Variants in FHAD1 observed in about 807,000 individuals in gnomAD.
The protein encoded by FHAD1 is forkhead-associated domain-containing protein 1.
FHAD1 carries 146 observed loss-of-function variants against 191.3 expected under a neutral mutation model. The observed-to-expected ratio is 0.76, with a 90% CI of 0.67 to 0.88. The LOEUF (loss-of-function observed/expected upper bound fraction) is 0.88. Among genes scored for constraint, FHAD1 ranks in the 40% least tolerant of loss-of-function variants. FHAD1 has a pLI of 0.00. For synonymous variants in FHAD1, 616 were observed against 672.3 expected (o/e 0.92, Z 1.29); for missense variants, 1,635 against 1,785.8 (o/e 0.92, Z 1.52).
rs1558286615 is a variant in FHAD1 at position 15,381,393 on chromosome 1, C to G, written c.3964C>G (p.Gln1322Glu). ...TGATAAGATCACCCAACTCAAGAAC[C>G]AGCTGGGGAGGAAAGAGGAGCTGTT... Reference protein sequence around the residue: ...VFDKITQLKNQLGRKEELLRG... With the variant: ...VFDKITQLKNELGRKEELLRG... The change falls in exon 30 of 34, where the codon CAG becomes GAG. Residue 1322 changes from glutamine (Q) to glutamate (E), a missense_variant. Physicochemically the swap from Gln to Glu is conservative, Grantham distance 29 (BLOSUM62 2). Coordinates refer to ENST00000688493, the MANE Select transcript of FHAD1 (RefSeq NM_001391957.1). This position sits in a 1 kb window ranked among gnomAD's most constrained non-coding sequence, Gnocchi z 4.6. The G allele has an allele frequency of 3.2e-6, 5 of 1,551,770 alleles. No homozygotes were observed. Among genetic ancestry groups the G allele is most frequent in the Middle Eastern group, 1.7e-4 (1 of 5,984 alleles).
In FHAD1 at chr1:15,301,391, G is replaced by T. The variant is rs944728261; in HGVS notation, c.865G>T (p.Asp289Tyr). The change falls in exon 6 of 34, where the codon GAT (aspartate) becomes TAT (tyrosine). Residue 289 changes from aspartate to tyrosine, a missense_variant. By Grantham distance (160) the Asp-to-Tyr change is radical. Coordinates refer to ENST00000688493, the MANE Select transcript of FHAD1 (RefSeq NM_001391957.1). ...GATCTCGCAGAAGTGTCAGGTTCTG[G>T]ATGAAGACATCGATGCCAAACAGAA... ...KEISQKCQVL[D>Y]EDIDAKQKEI... 1.9e-6 allele frequency: 3 copies of T among 1,551,776 alleles called. 1 individual carries two copies. In the South Asian group the frequency reaches 3.6e-5, roughly 18 times the overall value.
At chr1:15,348,341 T>C (rs1481630778) in intron 18 of FHAD1, among the ~76,000 whole-genome samples, 1 of 152,128 alleles carries the variant, frequency 6.6e-6, no homozygotes, top group East Asian at 1.9e-4. Context: ...AGACAAGCCG[T>C]TAGAAAATAG....
intron 31 of FHAD1, chr1:15,383,069 C>A: frequency 2.1e-6 from 1 of 471,592 alleles, no homozygotes; most frequent in Middle Eastern, 3.3e-4. Flanking sequence ...AGGAGTCAGC[C>A]GGTCCTGGGC....
chr1:15,249,639 C>T (rs1162614329), intron 1 of FHAD1, among the ~76,000 whole-genome samples: 2 of 152,082 alleles, frequency 1.3e-5, no homozygotes, highest in African/African-American at 4.8e-5. Flanking sequence ...GTTTTTATTT[C>T]TCTTACTCCC....
chr1:15,300,867 T>A (rs1668489386), intron 5 of FHAD1, among the ~76,000 whole-genome samples: 1 of 152,196 alleles, frequency 6.6e-6, no homozygotes, highest in African/African-American at 2.4e-5. Context: ...TTTGCTCTTG[T>A]TGCCCAGGCT....
At position 15,358,219 on chromosome 1, in the gene FHAD1, C is replaced by T. The variant is rs1213138878; in HGVS notation, c.2672C>T (p.Ala891Val). 1 of 1,541,886 alleles carries T rather than the reference C, an allele frequency of 6.5e-7. No homozygotes were observed. The highest frequency in any genetic ancestry group is 2.1e-5 in the Admixed American group (1 of 47,546). Residue 891 changes from alanine (A) to valine (V), a missense_variant, in exon 21 of 34, where the codon GCA (alanine) becomes GTA (valine). Physicochemically the swap from Ala to Val is moderately conservative, Grantham distance 64 (BLOSUM62 0). Transcript: ENST00000688493. ...ACAAAGGCAACTGAAAGTCTAAAAG[C>T]AGAGAGCCTCGCCTTGAAATTAAAT... ...QKTKATESLK[A>V]ESLALKLNET...
chr1:15,301,375 G>A lies in FHAD1; in HGVS notation c.849G>A (p.Gln283=), dbSNP rs1668712738. ...TSRQNEKEIS[Q]KCQVLDEDID... ...GGCAGAATGAGAAGGAGATCTCGCA[G>A]AAGTGTCAGGTTCTGGATGAAGACA... Residue 283 remains glutamine, a synonymous_variant, in exon 6 of 34, where the codon CAG becomes CAA. Coordinates refer to ENST00000688493, the MANE Select transcript of FHAD1 (RefSeq NM_001391957.1). 1 of 1,551,688 alleles carries A rather than the reference G, an allele frequency of 6.4e-7. No individual in the cohort carries two copies. Among genetic ancestry groups the A allele is most frequent in the African/African-American group, 1.4e-5 (1 of 73,046 alleles).
At chr1:15,353,093 G>GA in intron 20 of FHAD1, 109 bp downstream of exon 20, 5 of 771,898 alleles carry the variant, frequency 6.5e-6, no homozygotes, top group Non-Finnish European at 8.6e-6. Context: ...CCTGGCTGGG[G>GA]GACTTCAGGC....
chr1:15,260,837 T>G (rs1195484648), intron 2 of FHAD1, among the ~76,000 whole-genome samples: 2 of 152,228 alleles, frequency 1.3e-5, no homozygotes, highest in Admixed American at 6.5e-5. Flanking sequence ...CAGGTTAACC[T>G]CCCTGTTTCA....
intron 1 of FHAD1, among the ~76,000 whole-genome samples, chr1:15,239,600 A>T (rs1645137025): frequency 6.6e-6 from 1 of 151,694 alleles, no homozygotes; most frequent in Non-Finnish European, 1.5e-5. Flanking sequence ...AAGAAAAACA[A>T]AAAGAACAAC....
intron 3 of FHAD1, among the ~76,000 whole-genome samples, chr1:15,288,351 C>A (rs770258946): frequency 6.6e-6 from 1 of 152,270 alleles, no homozygotes; most frequent in Non-Finnish European, 1.5e-5. Flanking sequence ...CACCACTCCA[C>A]GTTTGCTCAT....
chr1:15,272,448 T>C lies in FHAD1; in HGVS notation c.219T>C (p.Ala73=). ...ACGAGTGCCACATTCAAAACGTGGC[T>C]GTGAAGCTCATCCCTGGAGACATCC... ...FVNECHIQNV[A]VKLIPGDILR... is the part of the protein sequence containing the mutation. The change falls in exon 3 of 34, where the codon GCT becomes GCC. Residue 73 remains alanine (A), a synonymous_variant. Transcript: ENST00000688493. The C allele has an allele frequency of 1.3e-6, 2 of 1,551,544 alleles. No individual in the cohort carries two copies. Among genetic ancestry groups the C allele is most frequent in the Non-Finnish European group, 8.7e-7 (1 of 1,147,002 alleles).
intron 3 of FHAD1, among the ~76,000 whole-genome samples, chr1:15,275,263 A>G (rs1657889285): frequency 6.6e-6 from 1 of 152,238 alleles, no homozygotes; most frequent in Non-Finnish European, 1.5e-5. Context: ...CGCCTGGCCA[A>G]CAAAGCACAC....
chr1:15,401,012 C>T (rs950246327), downstream of FHAD1, among the ~76,000 whole-genome samples: 1 of 152,192 alleles, frequency 6.6e-6, no homozygotes, highest in African/African-American at 2.4e-5. Flanking sequence ...AAGAAAGTTA[C>T]CTTGATTCCC....
In FHAD1 at chr1:15,374,134, G is replaced by A. The variant is rs144673644; in HGVS notation, c.3448-368G>A. 4.7e-3 allele frequency among the ~76,000 whole-genome samples: 722 copies of A among 152,290 alleles called. 4 individuals carry two copies. Among genetic ancestry groups the A allele is most frequent in the Admixed American group, 9.0e-3 (138 of 15,286 alleles). ...CACCAGTTAAAAGAAAGCATCATGG[G>A]TTCTCATCTGAAAATGCCCCTCCGG... On this transcript the variant is annotated intron_variant, in intron 26 of 33. Coordinates refer to ENST00000688493, the MANE Select transcript of FHAD1 (RefSeq NM_001391957.1).
intron 28 of FHAD1, among the ~76,000 whole-genome samples, chr1:15,376,775 C>G (rs1407500147): frequency 6.6e-6 from 1 of 152,184 alleles, no homozygotes; most frequent in Non-Finnish European, 1.5e-5. Flanking sequence ...GTGGCTCACG[C>G]CCATCATCCC....
chr1:15,335,758 GTTCC>G (rs1446547222), intron 14 of FHAD1, among the ~76,000 whole-genome samples: 1 of 152,104 alleles, frequency 6.6e-6, no homozygotes, highest in Non-Finnish European at 1.5e-5. Flanking sequence ...AGAAAGACTT[GTTCC>G]TTCCCCCAAA....
chr1:15,380,306 C>T (rs898534453), intron 28 of FHAD1, among the ~76,000 whole-genome samples: 2 of 152,122 alleles, frequency 1.3e-5, no homozygotes, highest in Non-Finnish European at 2.9e-5. Flanking sequence ...TGTCTAGTAG[C>T]GTCTTTGCTC....
rs192803963 is a variant in FHAD1 at position 15,373,306 on chromosome 1, C to T, written c.3448-1196C>T. Reference sequence around the variant, plus strand: ...GAGGCGGATCACGAGGTCAGGAGTTCGAGACCAGCCTGGCCAACGTGGTGA... The same window carrying T: ...GAGGCGGATCACGAGGTCAGGAGTTTGAGACCAGCCTGGCCAACGTGGTGA... On this transcript the variant is annotated intron_variant, in intron 26 of 33. Coordinates refer to ENST00000688493, the MANE Select transcript of FHAD1 (RefSeq NM_001391957.1). Among the ~76,000 whole-genome samples, 441 of 146,580 alleles carry T rather than the reference C, an allele frequency of 3.0e-3. 3 individuals carry two copies. Among genetic ancestry groups the T allele is most frequent in the African/African-American group, 0.012 (426 of 36,488 alleles).
Sources: allele counts gnomAD v4.1 joint callset (sites outside exome capture counted in the v4.1 genomes callset), GRCh38; gene constraint gnomAD v4.1.1; non-coding constraint Gnocchi (gnomAD v3.1); transcripts MANE v1.5; gene names NCBI Gene and HGNC (gene_info 2026-07-23, HGNC 2026-07-21).